The following PTGER3 variants were observed in gnomAD, a reference collection of about 807,000 sequenced individuals.
The protein encoded by PTGER3 is prostaglandin E receptor 3.
A neutral mutation model predicts 34.7 loss-of-function variants in PTGER3; 22 were observed. The observed-to-expected ratio is 0.63, with a 90% CI of 0.45 to 0.91. The LOEUF is 0.91. Ranked by LOEUF, PTGER3 falls within the 40% of genes least tolerant of loss-of-function variation. The pLI, the probability that PTGER3 is intolerant of heterozygous loss-of-function variation, is 0.00. For missense variants in PTGER3, 468 were observed against 519.4 expected (o/e 0.90, Z 0.96); for synonymous variants, 241 against 230.1 (o/e 1.05, Z -0.43).
chr1:70,918,850 A>G (rs1647278759), intron 4 of PTGER3, among the ~76,000 whole-genome samples: 2 of 152,192 alleles, frequency 1.3e-5, no homozygotes, highest in East Asian at 1.9e-4. Context: ...AGCTCTCCCT[A>G]TATACTAGAT....
chr1:70,963,119 G>C (rs1270527773), intron 2 of PTGER3, among the ~76,000 whole-genome samples: 2 of 152,186 alleles, frequency 1.3e-5, no homozygotes, highest in Non-Finnish European at 2.9e-5. Flanking sequence ...GATCTCCTTT[G>C]ACTCCATGTC....
intron 3 of PTGER3, among the ~76,000 whole-genome samples, chr1:70,972,079 G>T (rs1010790071): frequency 6.6e-6 from 1 of 152,132 alleles, no homozygotes; most frequent in Non-Finnish European, 1.5e-5. Flanking sequence ...TGTAATCCCA[G>T]CATTTTGGGA....
intron 4 of PTGER3, among the ~76,000 whole-genome samples, chr1:70,917,742 C>T (rs1647216531): frequency 6.6e-6 from 1 of 151,846 alleles, no homozygotes; most frequent in African/African-American, 2.4e-5. Context: ...AATAGCCATT[C>T]TAACTGGAGT....
intron 2 of PTGER3, among the ~76,000 whole-genome samples, chr1:70,978,494 G>T (rs1275743207): frequency 6.6e-6 from 1 of 152,052 alleles, no homozygotes; most frequent in Non-Finnish European, 1.5e-5. Context: ...CTACTCAAGG[G>T]GGAAAATATA....
At chr1:71,006,633 A>C in intron 2 of PTGER3, 1 of 979,590 alleles carries the variant, frequency 1.0e-6, no homozygotes, top group African/African-American at 1.7e-5. Flanking sequence ...AAATCGGAAA[A>C]GAGCAACTCT....
downstream of PTGER3, among the ~76,000 whole-genome samples, chr1:70,967,266 C>G (rs1652622030): frequency 6.6e-6 from 1 of 152,038 alleles, no homozygotes; most frequent in Admixed American, 6.5e-5. Context: ...AGGCATCATT[C>G]ATTTATATTA....
intron 4 of PTGER3, among the ~76,000 whole-genome samples, chr1:70,943,279 C>A (rs888822121): frequency 2.0e-5 from 3 of 152,128 alleles, no homozygotes; most frequent in East Asian, 3.9e-4. Flanking sequence ...TACCAGCAAG[C>A]AAATAATCAA....
chr1:70,995,971 G>A (rs534228840), intron 2 of PTGER3, among the ~76,000 whole-genome samples: 2 of 152,230 alleles, frequency 1.3e-5, no homozygotes, highest in South Asian at 4.1e-4. Flanking sequence ...TTATAGATGA[G>A]TAAACAGAGG....
chr1:71,009,632 T>G, intron 2 of PTGER3: 2 of 985,248 alleles, frequency 2.0e-6, no homozygotes, highest in Non-Finnish European at 2.4e-6. Flanking sequence ...ACTTGCTAAT[T>G]TTACATATAT....
intron 4 of PTGER3, among the ~76,000 whole-genome samples, chr1:70,882,836 C>G (rs964487343): frequency 1.2e-4 from 18 of 152,304 alleles, no homozygotes; most frequent in African/African-American, 4.1e-4. Flanking sequence ...CTTTGCTTCT[C>G]TCTGCTCTGT....
intron 2 of PTGER3, among the ~76,000 whole-genome samples, chr1:70,981,061 A>C (rs1317034009): frequency 6.6e-6 from 1 of 152,134 alleles, no homozygotes; most frequent in East Asian, 1.9e-4. Flanking sequence ...TATATTGACA[A>C]TACAGAGAAA....
intron 4 of PTGER3, among the ~76,000 whole-genome samples, chr1:70,928,133 T>TTA (rs143548664): frequency 0.59 from 86,272 of 145,346 alleles, 25,746 homozygotes; most frequent in Middle Eastern, 0.68. Flanking sequence ...ATATATATAT[T>TTA]TATATATATA....
chr1:71,005,386 A>G (rs1241859818), intron 2 of PTGER3, among the ~76,000 whole-genome samples: 1 of 152,204 alleles, frequency 6.6e-6, no homozygotes, highest in East Asian at 1.9e-4. Context: ...TCCTTCCTTT[A>G]CAGGTTAACA....
downstream of PTGER3, among the ~76,000 whole-genome samples, chr1:70,969,714 A>C (rs2100668049): frequency 6.6e-6 from 1 of 152,312 alleles, no homozygotes; most frequent in South Asian, 2.1e-4. Flanking sequence ...AGGTCTTAAA[A>C]ACAAGAATAG....
At chr1:71,000,767 C>A (rs1424121973) in intron 2 of PTGER3, among the ~76,000 whole-genome samples, 3 of 151,936 alleles carry the variant, frequency 2.0e-5, no homozygotes, top group Admixed American at 2.0e-4. Flanking sequence ...TTGATGAGTT[C>A]GTAACTCTAG....
chr1:71,044,475 C>T (rs961628868), intron 1 of PTGER3, among the ~76,000 whole-genome samples: 5 of 149,774 alleles, frequency 3.3e-5, no homozygotes, highest in Non-Finnish European at 5.9e-5. Flanking sequence ...GATATGATCA[C>T]ATGTTTAATT....
chr1:70,878,517 G>C (rs1321575228), intron 4 of PTGER3, among the ~76,000 whole-genome samples: 1 of 151,950 alleles, frequency 6.6e-6, no homozygotes, highest in Non-Finnish European at 1.5e-5. Context: ...GCTGGCTTTG[G>C]GGTTGGTTTG....
intron 4 of PTGER3, among the ~76,000 whole-genome samples, chr1:70,925,489 T>A (rs1039945162): frequency 1.3e-5 from 2 of 152,192 alleles, no homozygotes; most frequent in African/African-American, 2.4e-5. Flanking sequence ...TGTAGCATTG[T>A]ACATAATAGC....
downstream of PTGER3, among the ~76,000 whole-genome samples, chr1:70,969,538 A>G (rs927015251): frequency 2.6e-5 from 4 of 152,198 alleles, no homozygotes; most frequent in African/African-American, 9.7e-5. Flanking sequence ...GAAAATATTC[A>G]AGGAATAGTA....
Sources: allele counts gnomAD v4.1 joint callset (sites outside exome capture counted in the v4.1 genomes callset), GRCh38; gene constraint gnomAD v4.1.1; transcripts MANE v1.5; gene names NCBI Gene and HGNC (gene_info 2026-07-23, HGNC 2026-07-21).